The following PLCH1 variants were observed in gnomAD, a reference collection of about 807,000 sequenced individuals.
PLCH1 encodes phospholipase C eta 1.
A neutral mutation model predicts 126.7 loss-of-function variants in PLCH1; 60 were observed. That is an observed-to-expected ratio of 0.47 (90% confidence interval 0.38 to 0.59). The LOEUF (loss-of-function observed/expected upper bound fraction) is 0.59, where lower values mean the gene tolerates loss of function less well. Ranked by LOEUF, PLCH1 falls within the 20% of genes least tolerant of loss-of-function variation. The pLI, the probability that PLCH1 is intolerant of heterozygous loss-of-function variation, is 0.00. For missense variants in PLCH1, 1,723 were observed against 2,040.0 expected, an observed-to-expected ratio of 0.84 and a Z score of 2.99; for synonymous variants, 719 against 734.9, an observed-to-expected ratio of 0.98 and a Z score of 0.35.
chr3:155,554,842 A>T (rs1255048099), intron 8 of PLCH1, among the ~76,000 whole-genome samples: 2 of 152,346 alleles, frequency 1.3e-5, no homozygotes, highest in East Asian at 3.9e-4. Flanking sequence ...AATTTGAGTG[A>T]CAGTTAAATA....
chr3:155,665,737 A>C (rs1742654473), intron 2 of PLCH1, among the ~76,000 whole-genome samples: 1 of 152,238 alleles, frequency 6.6e-6, no homozygotes, highest in African/African-American at 2.4e-5. Context: ...TTTTTAAATA[A>C]ATCTGATTTT....
At chr3:155,561,093 G>A (rs1401569291) in intron 8 of PLCH1, among the ~76,000 whole-genome samples, 2 of 149,090 alleles carry the variant, frequency 1.3e-5, no homozygotes, top group African/African-American at 4.9e-5. Context: ...ATACCTTTCT[G>A]GCATCTTCTA....
At chr3:155,568,150 CT>C in intron 7 of PLCH1, 80 bp downstream of exon 7, 1 of 665,364 alleles carries the variant, frequency 1.5e-6, no homozygotes, top group Non-Finnish European at 2.7e-6. Flanking sequence ...GTCCTGATTT[CT>C]TTTCCTAAAA....
chr3:155,679,555 G>A (rs1744348712), intron 2 of PLCH1, among the ~76,000 whole-genome samples: 1 of 152,098 alleles, frequency 6.6e-6, no homozygotes, highest in South Asian at 2.1e-4. Context: ...TGTTTAAAAT[G>A]TTCTATACAA....
chr3:155,702,445 C>CCACAAGCTTTAGTTA (rs1746348178), intron 2 of PLCH1, among the ~76,000 whole-genome samples: 1 of 152,076 alleles, frequency 6.6e-6, no homozygotes, highest in South Asian at 2.1e-4. Flanking sequence ...TTTACAATCT[C>CCACAAGCTTTAGTTA]CACAAGCTTT....
chr3:155,676,860 T>G (rs1242608917), intron 2 of PLCH1, among the ~76,000 whole-genome samples: 1 of 152,142 alleles, frequency 6.6e-6, no homozygotes, highest in Non-Finnish European at 1.5e-5. Context: ...ATCACATGCC[T>G]GTGGACGTGG....
intron 2 of PLCH1, among the ~76,000 whole-genome samples, chr3:155,645,491 G>A (rs1739916908): frequency 6.6e-6 from 1 of 152,102 alleles, no homozygotes; most frequent in Non-Finnish European, 1.5e-5. Flanking sequence ...TTTGGTTTTT[G>A]TTTGGGACAG....
At chr3:155,575,139 A>T (rs1440051608) in intron 6 of PLCH1, among the ~76,000 whole-genome samples, 1 of 152,072 alleles carries the variant, frequency 6.6e-6, no homozygotes, top group East Asian at 1.9e-4. Flanking sequence ...TAAAAAAAAA[A>T]TAAATAAATA....
At position 155,538,303 on chromosome 3, in the gene PLCH1, GACAA is replaced by G. The variant is rs1419114638; in HGVS notation, c.1362+11480_1362+11483del. Among the ~76,000 whole-genome samples the G allele has an allele frequency of 4.6e-5, 7 of 151,916 alleles. No individual in the cohort carries two copies. The East Asian group carries it at 1.4e-3, about 29-fold the overall frequency. The stretch of plus-strand genomic sequence containing the variant: ...TGCCTATGTCAAAAGTCTGAAAGAG[GACAA>G]ACAGATAATCTTAGGTCACACCTCA... On this transcript the variant is annotated intron_variant, in intron 10 of 22. Transcript: ENST00000460012.
At chr3:155,452,036 T>C (rs1381679032) in intron 21 of PLCH1, among the ~76,000 whole-genome samples, 2 of 152,216 alleles carry the variant, frequency 1.3e-5, no homozygotes, top group East Asian at 1.9e-4. Flanking sequence ...ACATACATTC[T>C]CTCTCTCTAT....
intron 2 of PLCH1, among the ~76,000 whole-genome samples, chr3:155,610,479 G>A (rs7629557): frequency 1.3e-5 from 2 of 151,378 alleles, no homozygotes; most frequent in East Asian, 1.9e-4. Flanking sequence ...GTCAGGTAAC[G>A]TGCAAAGGAA....
intron 1 of PLCH1, among the ~76,000 whole-genome samples, chr3:155,739,646 T>C (rs967643411): frequency 1.3e-5 from 2 of 152,214 alleles, no homozygotes; most frequent in South Asian, 2.1e-4. Context: ...CCAGCGTTTG[T>C]CACAAATTTC....
intron 21 of PLCH1, among the ~76,000 whole-genome samples, chr3:155,468,715 A>T (rs1293393250): frequency 6.6e-6 from 1 of 152,216 alleles, no homozygotes; most frequent in Non-Finnish European, 1.5e-5. Flanking sequence ...CATATATATA[A>T]CAAATTTAAA....
intron 2 of PLCH1, among the ~76,000 whole-genome samples, chr3:155,650,637 T>A (rs974901679): frequency 6.6e-6 from 1 of 152,166 alleles, no homozygotes; most frequent in East Asian, 1.9e-4. Flanking sequence ...GTGACGCACA[T>A]TATACCTACC....
At chr3:155,671,037 GCAATCGA>G (rs1743380370) in intron 2 of PLCH1, among the ~76,000 whole-genome samples, 1 of 152,148 alleles carries the variant, frequency 6.6e-6, no homozygotes, top group South Asian at 2.1e-4. Context: ...ACAAAAACAG[GCAATCGA>G]TTGCTTCCTG....
chr3:155,656,885 C>A (rs1741442617), intron 2 of PLCH1, among the ~76,000 whole-genome samples: 1 of 151,612 alleles, frequency 6.6e-6, no homozygotes, highest in Non-Finnish European at 1.5e-5. Flanking sequence ...AACCATATAA[C>A]CTATAAAACC....
intron 2 of PLCH1, among the ~76,000 whole-genome samples, chr3:155,682,149 T>C (rs1297461617): frequency 2.0e-5 from 3 of 152,252 alleles, no homozygotes; most frequent in Non-Finnish European, 4.4e-5. Context: ...ACTGGAAATA[T>C]GCTTTCAGTT....
At chr3:155,497,658 T>C (rs1717250564) in intron 14 of PLCH1, among the ~76,000 whole-genome samples, 1 of 152,176 alleles carries the variant, frequency 6.6e-6, no homozygotes, top group South Asian at 2.1e-4. Flanking sequence ...CATTTGCCCA[T>C]AGTTAACCAT....
chr3:155,472,343 T>G (rs1469686524), intron 21 of PLCH1, among the ~76,000 whole-genome samples: 4 of 152,108 alleles, frequency 2.6e-5, no homozygotes, highest in Non-Finnish European at 5.9e-5. Flanking sequence ...ATGGATAAAT[T>G]CCTCGACACA....
Sources: gnomAD v4.1 joint callset for allele counts (sites outside exome capture counted in the v4.1 genomes callset) on GRCh38, gnomAD v4.1.1 for gene constraint, MANE v1.5 for transcripts, NCBI Gene and HGNC (gene_info 2026-07-23, HGNC 2026-07-21) for gene names.